Variants in SH2D3C observed in about 807,000 individuals in gnomAD.
The protein encoded by SH2D3C is SH2 domain containing 3C, also known as SH2 domain-containing protein 3C.
In SH2D3C, 25 loss-of-function variants were observed where a neutral mutation model predicts 75.2. That is an observed-to-expected ratio of 0.33 (90% CI 0.24 to 0.46). The LOEUF (loss-of-function observed/expected upper bound fraction) is 0.46. Ranked by LOEUF, SH2D3C falls within the 20% of genes least tolerant of loss-of-function variation. The probability of loss-of-function intolerance (pLI) is 1.00; values close to 1 mark genes in which losing one functional copy is unlikely to be tolerated. For synonymous variants in SH2D3C, 450 were observed against 473.7 expected (o/e 0.95, Z 0.65); for missense variants, 933 against 1,165.3 (o/e 0.80, Z 2.90).
At chr9:127,760,349 T>C (rs1490549372) in intron 3 of SH2D3C, among the ~76,000 whole-genome samples, 4 of 152,170 alleles carry the variant, frequency 2.6e-5, no homozygotes, top group Non-Finnish European at 4.4e-5. Context: ...GCTTTGGCTA[T>C]AGTCCTGGCA....
In SH2D3C at chr9:127,739,756, G is replaced by A. The variant is rs1200038354; in HGVS notation, c.2333C>T (p.Ala778Val). 3 of 1,609,378 alleles carry A rather than the reference G, an allele frequency of 1.9e-6. No homozygotes were observed. The highest frequency in any genetic ancestry group is 1.1e-5 in the South Asian group (1 of 90,444). The change falls in exon 11 of 12, where the codon GCT (alanine) becomes GTT (valine). Residue 778 changes from alanine (A) to valine (V), a missense_variant. Coordinates refer to ENST00000314830, the MANE Select transcript of SH2D3C (RefSeq NM_170600.3). This position sits in a 1 kb window ranked among gnomAD's most constrained non-coding sequence, Gnocchi z 4.3. ...STEHGVEVVLAHLEAARTVAH... is the reference protein window; with the variant it reads ...STEHGVEVVLVHLEAARTVAH... ...CACTGTGCGGGCGGCCTCCAGGTGA[G>A]CCAGCACCACCTCCACGCCGTGCTC... is the stretch of plus-strand genomic sequence containing the variant.
Position 127,774,188 on chromosome 9 carries a change from A to C in SH2D3C, c.317T>G (p.Leu106Trp). Residue 106 changes from leucine to tryptophan, a missense_variant, in exon 2 of 12, where the codon TTG becomes TGG. By Grantham distance (61) the Leu-to-Trp change is moderately conservative. Coordinates refer to ENST00000314830, the MANE Select transcript of SH2D3C (RefSeq NM_170600.3). This position sits in a 1 kb window ranked among gnomAD's most constrained non-coding sequence, Gnocchi z 4.3. ...QAQEAGPKPN[L>W]VPGGVPDPPG... ...GGGGTCGGGTACACCTCCGGGTACC[A>C]AGTTGGGCTTGGGACCCGCCTCCTG... The C allele has an allele frequency of 6.2e-7, 1 of 1,613,920 alleles. No homozygotes were observed. The highest frequency in any genetic ancestry group is 8.5e-7 in the Non-Finnish European group (1 of 1,179,938).
chr9:127,738,974 C>T lies in SH2D3C; in HGVS notation c.2408-53G>A, dbSNP rs1844766335. On this transcript the variant is annotated intron_variant, in intron 11 of 11. Coordinates refer to ENST00000314830, the MANE Select transcript of SH2D3C (RefSeq NM_170600.3). The surrounding 1 kb of genome is among the most constrained non-coding windows in gnomAD (Gnocchi z 5.0). The stretch of plus-strand genomic sequence containing the variant: ...CAGAGGCTGGGGTTCCTGTCCAGAG[C>T]CCTAGCATTCTTCAGGACCCCCCTG... 1.4e-6 allele frequency: 2 copies of T among 1,443,958 alleles called. No homozygotes were observed. The highest frequency in any genetic ancestry group is 1.8e-6 in the Non-Finnish European group (2 of 1,091,082). The allele number at this position is 1,443,958 out of a possible 1,614,324, so 89.4% of individuals were successfully genotyped here. A position where few individuals can be genotyped will look rare whatever the true frequency, so the allele number is the denominator to read the frequency against.
intron 3 of SH2D3C, among the ~76,000 whole-genome samples, chr9:127,760,632 A>T (rs924862656): frequency 1.3e-5 from 2 of 151,942 alleles, no homozygotes; most frequent in Admixed American, 6.6e-5. Context: ...AAGTAATGTG[A>T]CCCAGGGCAA....
At chr9:127,770,074 G>C (rs765735481) in intron 2 of SH2D3C, among the ~76,000 whole-genome samples, 1 of 152,244 alleles carries the variant, frequency 6.6e-6, no homozygotes, top group Non-Finnish European at 1.5e-5. Flanking sequence ...TGAGGAGGGA[G>C]GGTGCCTCTC....
Position 127,761,547 on chromosome 9 carries a change from C to T in SH2D3C, c.555+64G>A, listed in dbSNP as rs529894076. ...GGCTTGAGGAAGGGCTCTGCCCACC[C>T]GTAATGGAGCAGGCTCTGAGACCTT... On this transcript the variant is annotated intron_variant, in intron 3 of 11. Coordinates refer to ENST00000314830, the MANE Select transcript of SH2D3C (RefSeq NM_170600.3). 30 of 1,212,786 alleles carry T rather than the reference C, an allele frequency of 2.5e-5. No individual in the cohort carries two copies. The Admixed American group carries it at 2.8e-4, about 11-fold the overall frequency. 75.1% of individuals were successfully genotyped at this position (1,212,786 alleles called of 1,614,324 possible). A position where few individuals can be genotyped will look rare whatever the true frequency, so the allele number is the denominator to read the frequency against.
chr9:127,750,962 CAGT>C (rs1434497696), intron 4 of SH2D3C, among the ~76,000 whole-genome samples: 1 of 152,248 alleles, frequency 6.6e-6, no homozygotes, highest in Non-Finnish European at 1.5e-5. Flanking sequence ...CACCCCTTTG[CAGT>C]AGATACTGAG....
rs760519427 is a variant in SH2D3C at position 127,742,830 on chromosome 9, G to T, written c.1916+19C>A. 2.5e-6 allele frequency: 4 copies of T among 1,594,052 alleles called. No individual in the cohort carries two copies. In the South Asian group the frequency reaches 4.5e-5, roughly 18 times the overall value. ...GCCGGGGGTTCCCCGCGAGTCCCCG[G>T]GTGCCGGCGCTGTCTCACCTTTCCA... On this transcript the variant is annotated intron_variant, in intron 8 of 11. Coordinates refer to ENST00000314830, the MANE Select transcript of SH2D3C (RefSeq NM_170600.3).
chr9:127,754,038 A>G lies in SH2D3C; in HGVS notation c.556-2738T>C, dbSNP rs1232688642. Among the ~76,000 whole-genome samples the G allele has an allele frequency of 6.6e-6, 1 of 152,124 alleles. No individual in the cohort carries two copies. The highest frequency in any genetic ancestry group is 1.5e-5 in the Non-Finnish European group (1 of 67,992). On this transcript the variant is annotated intron_variant, in intron 3 of 11. Transcript: ENST00000314830. This position sits in a 1 kb window ranked among gnomAD's most constrained non-coding sequence, Gnocchi z 4.4. ...GGGGACCAACTTGGTCCTCCCACAC[A>G]CCTGAGGGTGAGGAATCCTAGGGTC... is the stretch of plus-strand genomic sequence containing the variant.
rs752517768 is a variant in SH2D3C, at chr9:127,739,872, G to C, written c.2217C>G (p.Ser739Arg). The change falls in exon 11 of 12, where the codon AGC becomes AGG. Residue 739 changes from serine to arginine, a missense_variant. Physicochemically the swap from Ser to Arg is moderately radical, Grantham distance 110. Coordinates refer to ENST00000314830, the MANE Select transcript of SH2D3C (RefSeq NM_170600.3). The surrounding 1 kb of genome is among the most constrained non-coding windows in gnomAD (Gnocchi z 4.3). ...GCAGCACATGAGGAAACGTGGTGTT[G>C]CTCAGCGGCGGGCCTTCTGCAAGGA... ...LNEGKEGPPL[S>R]NTTFPHVLPL... is the part of the protein sequence containing the mutation. 3.9e-6 allele frequency: 6 copies of C among 1,540,698 alleles called. No individual in the cohort carries two copies. Among genetic ancestry groups the C allele is most frequent in the African/African-American group, 1.4e-5 (1 of 73,206 alleles).
In SH2D3C at chr9:127,739,591, T is replaced by C; in HGVS notation, c.2407+91A>G. On this transcript the variant is annotated intron_variant, in intron 11 of 11. Coordinates refer to ENST00000314830, the MANE Select transcript of SH2D3C (RefSeq NM_170600.3). This position sits in a 1 kb window ranked among gnomAD's most constrained non-coding sequence, Gnocchi z 4.3. ...GGCAGGACAGAGGAGTGGAGAAATG[T>C]GAATGGATGCCTTGGAGAAAAGGGA... The C allele has an allele frequency of 1.7e-6, 2 of 1,166,108 alleles. No individual in the cohort carries two copies. The highest frequency in any genetic ancestry group is 2.5e-6 in the Non-Finnish European group (2 of 812,350). 72.2% of individuals were successfully genotyped at this position (1,166,108 alleles called of 1,614,324 possible).
At chr9:127,776,907 G>A (rs993880296) in intron 1 of SH2D3C, among the ~76,000 whole-genome samples, 4 of 152,260 alleles carry the variant, frequency 2.6e-5, no homozygotes, top group Admixed American at 1.3e-4. Flanking sequence ...GCATGCGGTG[G>A]GGGTGGAAAT....
chr9:127,770,459 T>G (rs1845713034), intron 2 of SH2D3C, among the ~76,000 whole-genome samples: 1 of 152,164 alleles, frequency 6.6e-6, no homozygotes, highest in Admixed American at 6.6e-5. Context: ...CTGGGGAGAC[T>G]AAGGACCAGA....
In SH2D3C at chr9:127,774,329, G is replaced by A. The variant is rs781633475; in HGVS notation, c.176C>T (p.Thr59Met). ...TFEATQDDMVTVPKSPPAYAR... is the reference protein window; with the variant it reads ...TFEATQDDMVMVPKSPPAYAR... ...ATAGGCTGGGGGACTCTTGGGCACC[G>A]TCACCATGTCATCCTGCGTGGCTTC... The change falls in exon 2 of 12, where the codon ACG (threonine) becomes ATG (methionine). Residue 59 changes from threonine (T) to methionine (M), a missense_variant. Physicochemically the swap from Thr to Met is moderately conservative, Grantham distance 81 (BLOSUM62 -1). Transcript: ENST00000314830. This position sits in a 1 kb window ranked among gnomAD's most constrained non-coding sequence, Gnocchi z 4.3. 39 of 1,613,760 alleles carry A rather than the reference G, an allele frequency of 2.4e-5. No homozygotes were observed. The highest frequency in any genetic ancestry group is 1.6e-4 in the South Asian group (15 of 91,076).
In SH2D3C at chr9:127,754,935, C is replaced by T. The variant is rs1260708458; in HGVS notation, c.556-3635G>A. The T allele has an allele frequency of 2.0e-6, 1 of 512,580 alleles. No homozygotes were observed. The highest frequency in any genetic ancestry group is 3.7e-6 in the Non-Finnish European group (1 of 271,812). The allele number at this position is 512,580 out of a possible 1,614,324, so 31.8% of individuals were successfully genotyped here. A position where few individuals can be genotyped will look rare whatever the true frequency, so the allele number is the denominator to read the frequency against. On this transcript the variant is annotated intron_variant, in intron 3 of 11. Transcript: ENST00000314830. The surrounding 1 kb of genome is among the most constrained non-coding windows in gnomAD (Gnocchi z 4.4). ...GGTGAGGCTGGGGTGACCCCGCCCCCTCCCCGGGTCGGCCGGGCCCAGCCC... is the reference window on the plus strand; with the variant it reads ...GGTGAGGCTGGGGTGACCCCGCCCCTTCCCCGGGTCGGCCGGGCCCAGCCC...
At chr9:127,763,261 C>T (rs1028174546) in intron 2 of SH2D3C, among the ~76,000 whole-genome samples, 1 of 152,178 alleles carries the variant, frequency 6.6e-6, no homozygotes, top group Non-Finnish European at 1.5e-5. Context: ...GTTCCCAACC[C>T]TACTTTATTT....
intron 3 of SH2D3C, among the ~76,000 whole-genome samples, chr9:127,757,170 T>C (rs1037229296): frequency 6.6e-6 from 1 of 151,310 alleles, no homozygotes; most frequent in African/African-American, 2.4e-5. Flanking sequence ...CTTGACCTCT[T>C]GACCTCAAGT....
intron 6 of SH2D3C, among the ~76,000 whole-genome samples, chr9:127,746,926 T>G (rs559891011): frequency 1.9e-4 from 29 of 152,128 alleles, no homozygotes; most frequent in Non-Finnish European, 3.1e-4. Flanking sequence ...AGAGCAAAAC[T>G]GTCACAAAAA....
intron 2 of SH2D3C, among the ~76,000 whole-genome samples, chr9:127,773,595 A>G (rs978689462): frequency 1.3e-5 from 2 of 152,148 alleles, no homozygotes; most frequent in African/African-American, 4.8e-5. Context: ...GGTCTACAGT[A>G]AGCACCTGGT....
Sources: gnomAD v4.1 joint callset for allele counts (sites outside exome capture counted in the v4.1 genomes callset) on GRCh38, gnomAD v4.1.1 for gene constraint, Gnocchi (gnomAD v3.1) non-coding constraint, MANE v1.5 for transcripts, NCBI Gene and HGNC (gene_info 2026-07-23, HGNC 2026-07-21) for gene names.